RTL4: variants seen among roughly 807,000 people sequenced by gnomAD.
RTL4 encodes retrotransposon Gag like 4.
Under a neutral mutation model 5.3 loss-of-function variants are expected in RTL4, and 4 were observed. The ratio of observed to expected loss-of-function variants is 0.75; its 90% CI spans 0.37 to 1.72. RTL4 has a LOEUF of 1.72. Ranked by LOEUF, RTL4 falls within the 40% of genes most tolerant of loss-of-function variation. RTL4 has a pLI of 0.04. For missense variants in RTL4, 260 were observed against 227.1 expected (o/e 1.14, Z -0.93); for synonymous variants, 98 against 87.3 (o/e 1.12, Z -0.68).
At chrX:112,397,780 T>C in the RTL4 span, among the ~76,000 whole-genome samples, 2 of 112,029 alleles carry the variant, frequency 1.8e-5, no homozygotes, top group Non-Finnish European at 3.8e-5. Flanking sequence ...AATTTAAAAT[T>C]TTGCTTACAA....
the RTL4 span, among the ~76,000 whole-genome samples, chrX:112,315,398 G>A: frequency 2.7e-5 from 3 of 110,976 alleles, no homozygotes; most frequent in Non-Finnish European, 5.7e-5. Flanking sequence ...CCTCCCCCAC[G>A]CTACTCCCAC....
At chrX:112,366,746 G>A in the RTL4 span, among the ~76,000 whole-genome samples, 1 of 111,923 alleles carries the variant, frequency 8.9e-6, no homozygotes, top group Non-Finnish European at 1.9e-5. Flanking sequence ...AGCATGCACA[G>A]ACAATAAATA....
chrX:112,125,642 G>A, the RTL4 span, among the ~76,000 whole-genome samples: 1 of 111,850 alleles, frequency 8.9e-6, no homozygotes, highest in East Asian at 2.8e-4. Flanking sequence ...GCCCATGGAG[G>A]TGGTCACAAC....
At chrX:112,230,592 G>C in the RTL4 span, among the ~76,000 whole-genome samples, 1 of 112,250 alleles carries the variant, frequency 8.9e-6, no homozygotes, top group Non-Finnish European at 1.9e-5. Context: ...GAAATCACCC[G>C]TCTTCTGCAT....
chrX:112,107,694 C>T, the RTL4 span, among the ~76,000 whole-genome samples: 33 of 111,676 alleles, frequency 3.0e-4, no homozygotes, highest in Non-Finnish European at 5.3e-4. Flanking sequence ...GTTGGAACTT[C>T]CCTTATGTTG....
chrX:112,086,607 C>T, the RTL4 span, among the ~76,000 whole-genome samples: 3 of 112,101 alleles, frequency 2.7e-5, no homozygotes, highest in Admixed American at 2.8e-4. Flanking sequence ...GAGTAAGCTC[C>T]TGCCTTAGAA....
chrX:112,085,761 A>G, the RTL4 span, among the ~76,000 whole-genome samples: 11 of 112,155 alleles, frequency 9.8e-5, no homozygotes, highest in Non-Finnish European at 1.9e-4. Context: ...TTCAAAGACC[A>G]TATTTTAACC....
At chrX:112,093,163 C>T in the RTL4 span, among the ~76,000 whole-genome samples, 1 of 111,491 alleles carries the variant, frequency 9.0e-6, no homozygotes, top group African/African-American at 3.3e-5. Flanking sequence ...CATTGCTCCA[C>T]ACCTGGATAA....
chrX:112,161,315 A>G, the RTL4 span, among the ~76,000 whole-genome samples: 1 of 111,878 alleles, frequency 8.9e-6, no homozygotes, highest in African/African-American at 3.2e-5. Context: ...AAGTCTTGCA[A>G]TGACATTGTC....
chrX:112,122,855 AAAT>A, the RTL4 span, among the ~76,000 whole-genome samples: 1 of 111,748 alleles, frequency 8.9e-6, no homozygotes, highest in Non-Finnish European at 1.9e-5. Flanking sequence ...TATTTTCTAG[AAAT>A]AATGACTGTC....
the RTL4 span, among the ~76,000 whole-genome samples, chrX:112,353,849 T>C: frequency 9.0e-6 from 1 of 110,684 alleles, no homozygotes; most frequent in Admixed American, 9.6e-5. Context: ...TAAAATAAAA[T>C]AAAAAAGAAG....
the RTL4 span, among the ~76,000 whole-genome samples, chrX:112,264,217 C>T: frequency 9.0e-4 from 101 of 112,243 alleles, no homozygotes; most frequent in Admixed American, 1.6e-3. Context: ...TTCAACAACT[C>T]TAACACTTGG....
the RTL4 span, among the ~76,000 whole-genome samples, chrX:112,207,631 G>A: frequency 4.1e-5 from 4 of 98,114 alleles, no homozygotes; most frequent in African/African-American, 1.7e-4. Context: ...TTGTTTTCTA[G>A]TGGCATTGTT....
chrX:112,103,678 A>G, the RTL4 span, among the ~76,000 whole-genome samples: 1 of 111,430 alleles, frequency 9.0e-6, no homozygotes, highest in Non-Finnish European at 1.9e-5. Context: ...AGGGATGAAA[A>G]GAATAATAAC....
chrX:112,084,156 C>T, the RTL4 span, among the ~76,000 whole-genome samples: 1 of 110,876 alleles, frequency 9.0e-6, no homozygotes, highest in African/African-American at 3.3e-5. Context: ...CCTAAATGGC[C>T]GAGTGTTTTC....
chrX:112,326,716 C>A, the RTL4 span, among the ~76,000 whole-genome samples: 3 of 111,999 alleles, frequency 2.7e-5, no homozygotes, highest in East Asian at 8.5e-4. Context: ...CACAGACAAA[C>A]AAAAAGACAG....
chrX:112,108,353 G>C, the RTL4 span, among the ~76,000 whole-genome samples: 1 of 111,793 alleles, frequency 8.9e-6, no homozygotes, highest in Non-Finnish European at 1.9e-5. Context: ...CTTTGGTGAC[G>C]TCATGTTTCC....
chrX:112,257,520 G>A, the RTL4 span, among the ~76,000 whole-genome samples: 16 of 110,991 alleles, frequency 1.4e-4, no homozygotes. Context: ...ATTTATAAAT[G>A]ACAGAAACGT....
the RTL4 span, among the ~76,000 whole-genome samples, chrX:112,296,573 C>T: frequency 1.8e-5 from 2 of 109,130 alleles, no homozygotes; most frequent in East Asian, 2.8e-4. Flanking sequence ...CTGGGTTTAC[C>T]CCTCTTGAGA....
Sources: gnomAD v4.1 joint callset for allele counts (sites outside exome capture counted in the v4.1 genomes callset) on GRCh38, gnomAD v4.1.1 for gene constraint, MANE v1.5 for transcripts, NCBI Gene and HGNC (gene_info 2026-07-23, HGNC 2026-07-21) for gene names.